Variants in CCDC88A observed in about 807,000 individuals in gnomAD.
CCDC88A encodes coiled-coil and HOOK domain protein 88A.
In CCDC88A, 54 loss-of-function variants were observed where a neutral mutation model predicts 234.3. That is an observed-to-expected ratio of 0.23 (90% confidence interval 0.19 to 0.29). The LOEUF (loss-of-function observed/expected upper bound fraction) is 0.29. CCDC88A is among the 10% of genes least tolerant of loss of function. The pLI is 1.00. For synonymous variants in CCDC88A, 753 were observed against 737.8 expected, an observed-to-expected ratio of 1.02 and a Z score of -0.33; for missense variants, 1,832 against 2,123.4, an observed-to-expected ratio of 0.86 and a Z score of 2.70.
chr2:55,394,911 C>A (rs561532750), intron 2 of CCDC88A, among the ~76,000 whole-genome samples: 1 of 151,924 alleles, frequency 6.6e-6, no homozygotes, highest in Non-Finnish European at 1.5e-5. Flanking sequence ...AATGGCACAA[C>A]CTCCACTCAC....
At chr2:55,312,910 T>A in intron 22 of CCDC88A, 1 of 177,562 alleles carries the variant, frequency 5.6e-6, no homozygotes, top group Admixed American at 5.5e-5. Flanking sequence ...TCTAATATTT[T>A]ATTTCTATGA....
chr2:55,358,484 T>G (rs1670877426), intron 7 of CCDC88A, among the ~76,000 whole-genome samples: 1 of 152,136 alleles, frequency 6.6e-6, no homozygotes, highest in Non-Finnish European at 1.5e-5. Flanking sequence ...CTACTGCCCA[T>G]CTATCCTTTT....
intron 4 of CCDC88A, among the ~76,000 whole-genome samples, chr2:55,372,879 C>A (rs994803159): frequency 6.6e-6 from 1 of 152,166 alleles, no homozygotes; most frequent in Non-Finnish European, 1.5e-5. Flanking sequence ...CAAAATGGCT[C>A]CTAATAGGTT....
At chr2:55,330,641 A>T (rs374555270) in intron 16 of CCDC88A, among the ~76,000 whole-genome samples, 28 of 152,184 alleles carry the variant, frequency 1.8e-4, no homozygotes, top group African/African-American at 6.0e-4. Flanking sequence ...CTGAGAAAGA[A>T]GCTAGTTTAG....
chr2:55,415,393 A>G (rs1681197231), intron 2 of CCDC88A, among the ~76,000 whole-genome samples: 1 of 152,176 alleles, frequency 6.6e-6, no homozygotes, highest in Non-Finnish European at 1.5e-5. Flanking sequence ...TGGGGGGAAA[A>G]AAAGACAAAA....
intron 2 of CCDC88A, chr2:55,397,433 A>G (rs1244198528): frequency 6.6e-6 from 1 of 152,178 alleles, no homozygotes; most frequent in Non-Finnish European, 1.5e-5. Context: ...ATATATATAA[A>G]TTTAAAAACT....
chr2:55,302,869 G>A (rs896056593), intron 26 of CCDC88A, 200 bp downstream of exon 26: 65 of 396,858 alleles, frequency 1.6e-4, no homozygotes, highest in Middle Eastern at 7.0e-4. Flanking sequence ...AAATATGCAC[G>A]TATATGTATC....
chr2:55,341,318 T>A (rs1393726896), intron 12 of CCDC88A, among the ~76,000 whole-genome samples: 1 of 151,680 alleles, frequency 6.6e-6, no homozygotes, highest in Non-Finnish European at 1.5e-5. Flanking sequence ...CAAATTTTTT[T>A]TGTATTTTCA....
At chr2:55,320,609 C>T (rs1683501136) in intron 18 of CCDC88A, among the ~76,000 whole-genome samples, 1 of 151,962 alleles carries the variant, frequency 6.6e-6, no homozygotes, top group Non-Finnish European at 1.5e-5. Flanking sequence ...TGAATCCAAG[C>T]AATATAGGTA....
chr2:55,359,981 G>A (rs1405957537), intron 7 of CCDC88A, among the ~76,000 whole-genome samples: 3 of 152,078 alleles, frequency 2.0e-5, no homozygotes, highest in Admixed American at 6.5e-5. Flanking sequence ...TTCTAACCAT[G>A]GGCAGTGGAG....
At chr2:55,404,976 G>A (rs1032344122) in intron 2 of CCDC88A, 1 of 152,230 alleles carries the variant, frequency 6.6e-6, no homozygotes, top group African/African-American at 2.4e-5. Flanking sequence ...TAATCCGCAA[G>A]CCTCGGCCTC....
intron 2 of CCDC88A, among the ~76,000 whole-genome samples, chr2:55,389,567 C>T (rs984330503): frequency 6.6e-6 from 1 of 152,164 alleles, no homozygotes; most frequent in African/African-American, 2.4e-5. Flanking sequence ...TCCCTTTCTA[C>T]ACAGTCCATT....
chr2:55,307,060 C>CTG (rs145682879), intron 25 of CCDC88A, among the ~76,000 whole-genome samples: 229 of 151,522 alleles, frequency 1.5e-3, no homozygotes, highest in Non-Finnish European at 2.1e-3. Flanking sequence ...TAGAATGTGT[C>CTG]TGTGTGTGTG....
intron 16 of CCDC88A, chr2:55,329,503 A>C (rs945693953): frequency 6.6e-6 from 1 of 152,196 alleles, no homozygotes; most frequent in Non-Finnish European, 1.5e-5. Flanking sequence ...AAAATCATTT[A>C]CTGCGTCTGA....
chr2:55,305,384 T>C (rs1317749207), intron 25 of CCDC88A, among the ~76,000 whole-genome samples: 3 of 152,220 alleles, frequency 2.0e-5, no homozygotes, highest in South Asian at 4.1e-4. Context: ...TTTTAAAAAT[T>C]CTAAAACTAA....
At chr2:55,389,275 T>C (rs993870259) in intron 2 of CCDC88A, among the ~76,000 whole-genome samples, 3 of 152,166 alleles carry the variant, frequency 2.0e-5, no homozygotes, top group Admixed American at 6.6e-5. Flanking sequence ...CACTGGGTAA[T>C]AGGGATTATA....
chr2:55,295,502 C>T (rs948456086), intron 31 of CCDC88A, 95 bp downstream of exon 31: 4 of 1,606,230 alleles, frequency 2.5e-6, no homozygotes, highest in East Asian at 2.2e-5. Context: ...GAGGCTCAGG[C>T]ATGTCTATAG....
chr2:55,397,405 T>G (rs2104928324), intron 2 of CCDC88A: 1 of 152,130 alleles, frequency 6.6e-6, no homozygotes, highest in Non-Finnish European at 1.5e-5. Flanking sequence ...TAAGAAAAAT[T>G]TAATATTAGA....
At chr2:55,417,639 A>G (rs1469579769) in intron 2 of CCDC88A, 6 of 152,084 alleles carry the variant, frequency 3.9e-5, no homozygotes, top group Admixed American at 2.6e-4. Flanking sequence ...TTGAAAATGT[A>G]TAATAGTATA....
Sources: gnomAD v4.1 joint callset for allele counts (sites outside exome capture counted in the v4.1 genomes callset) on GRCh38, gnomAD v4.1.1 for gene constraint, MANE v1.5 for transcripts, NCBI Gene and HGNC (gene_info 2026-07-23, HGNC 2026-07-21) for gene names.